The following PTPRD variants were observed in gnomAD, a reference collection of about 807,000 sequenced individuals.
The protein encoded by PTPRD is receptor-type tyrosine-protein phosphatase delta.
PTPRD carries 34 observed loss-of-function variants against 214.5 expected under a neutral mutation model. The observed-to-expected ratio is 0.16, with a 90% CI of 0.12 to 0.21. The LOEUF (loss-of-function observed/expected upper bound fraction) is 0.21. PTPRD is among the 10% of genes least tolerant of loss of function. PTPRD has a pLI of 1.00. For missense variants in PTPRD, 2,545 were observed against 2,398.7 expected, an observed-to-expected ratio of 1.06 and a Z score of -1.27; for synonymous variants, 1,128 against 845.7, an observed-to-expected ratio of 1.33 and a Z score of -5.79.
At chr9:8,730,137 T>C (rs1252776118) in intron 12 of PTPRD, among the ~76,000 whole-genome samples, 2 of 152,016 alleles carry the variant, frequency 1.3e-5, no homozygotes. Context: ...GCACCTGTAG[T>C]CCCAGCTACT....
At chr9:8,588,450 C>A (rs963812243) in intron 14 of PTPRD, among the ~76,000 whole-genome samples, 4 of 152,134 alleles carry the variant, frequency 2.6e-5, no homozygotes, top group African/African-American at 9.7e-5. Context: ...ATAAAAGACA[C>A]AACAGTGGAT....
At chr9:8,612,239 T>C (rs1048410791) in intron 14 of PTPRD, among the ~76,000 whole-genome samples, 13 of 152,198 alleles carry the variant, frequency 8.5e-5, no homozygotes, top group African/African-American at 2.9e-4. Flanking sequence ...ACAAAACATA[T>C]CTCCTTTACA....
chr9:8,798,914 G>A (rs1010761775), intron 11 of PTPRD, among the ~76,000 whole-genome samples: 2 of 151,998 alleles, frequency 1.3e-5, no homozygotes, highest in Non-Finnish European at 2.9e-5. Context: ...TCATAATAAC[G>A]ACTCAGAGCC....
At chr9:10,422,249 C>A (rs1374996178) in intron 2 of PTPRD, among the ~76,000 whole-genome samples, 1 of 152,004 alleles carries the variant, frequency 6.6e-6, no homozygotes. Context: ...GGAAAACTGG[C>A]TAGCCATATG....
intron 39 of PTPRD, among the ~76,000 whole-genome samples, chr9:8,345,423 C>T (rs1327057801): frequency 6.6e-6 from 1 of 152,036 alleles, no homozygotes; most frequent in Non-Finnish European, 1.5e-5. Flanking sequence ...CAGTCATTGC[C>T]AAATATGGTG....
intron 3 of PTPRD, among the ~76,000 whole-genome samples, chr9:10,239,997 C>T (rs2154361962): frequency 6.6e-6 from 1 of 152,016 alleles, no homozygotes. Flanking sequence ...GACCTTCATT[C>T]CAGAGGGTCC....
chr9:8,611,721 A>G (rs142107524), intron 14 of PTPRD, among the ~76,000 whole-genome samples: 2 of 151,432 alleles, frequency 1.3e-5, no homozygotes, highest in Non-Finnish European at 2.9e-5. Context: ...GAAAAAAAGA[A>G]AAGACAAAAG....
intron 8 of PTPRD, among the ~76,000 whole-genome samples, chr9:9,551,605 G>C (rs1280974132): frequency 6.6e-6 from 1 of 151,844 alleles, no homozygotes; most frequent in African/African-American, 2.4e-5. Context: ...TTAATGTTTG[G>C]CTCCTATATG....
At chr9:9,976,808 G>C (rs1322102470) in intron 4 of PTPRD, among the ~76,000 whole-genome samples, 8 of 150,452 alleles carry the variant, frequency 5.3e-5, no homozygotes, top group Non-Finnish European at 8.8e-5. Context: ...TGTCTTCTTA[G>C]ACAGTTCACT....
At chr9:8,992,570 G>A (rs1367128549) in intron 11 of PTPRD, among the ~76,000 whole-genome samples, 1 of 152,050 alleles carries the variant, frequency 6.6e-6, no homozygotes, top group Non-Finnish European at 1.5e-5. Context: ...ACGAATATTA[G>A]GCATGAATTT....
At chr9:10,196,049 G>C (rs1419418074) in intron 3 of PTPRD, among the ~76,000 whole-genome samples, 1 of 152,098 alleles carries the variant, frequency 6.6e-6, no homozygotes, top group Admixed American at 6.6e-5. Context: ...CTCTACGGGG[G>C]ATGAAAATAT....
chr9:9,604,294 A>G (rs1345540287), intron 7 of PTPRD, among the ~76,000 whole-genome samples: 1 of 152,134 alleles, frequency 6.6e-6, no homozygotes, highest in African/African-American at 2.4e-5. Flanking sequence ...AAAATATGAC[A>G]GGCACAACCT....
intron 9 of PTPRD, among the ~76,000 whole-genome samples, chr9:9,234,025 T>C (rs1241815820): frequency 6.6e-6 from 1 of 152,142 alleles, no homozygotes; most frequent in African/African-American, 2.4e-5. Flanking sequence ...GTGGGGACTC[T>C]GTGTGGGGGC....
In PTPRD at chr9:10,499,810, T is replaced by A. The variant is rs544462942; in HGVS notation, c.-600+112588A>T. 1.7e-3 allele frequency among the ~76,000 whole-genome samples: 254 copies of A among 152,022 alleles called. 1 individual carries two copies. Among genetic ancestry groups the A allele is most frequent in the African/African-American group, 5.6e-3 (232 of 41,558 alleles). On this transcript the variant is annotated intron_variant, in intron 2 of 45. Transcript: ENST00000381196. The stretch of plus-strand genomic sequence containing the variant: ...CTATCCAAAAACTTTTTCATAATAT[T>A]TATTGTCATGTGCCAAAGAGTGGAA...
chr9:10,474,193 T>A (rs530942949), intron 2 of PTPRD, among the ~76,000 whole-genome samples: 2 of 151,886 alleles, frequency 1.3e-5, no homozygotes, highest in African/African-American at 4.8e-5. Context: ...GGCTGGCAAG[T>A]TGGAGAGAGT....
chr9:8,956,236 G>C (rs1449353180), intron 11 of PTPRD, among the ~76,000 whole-genome samples: 2 of 151,674 alleles, frequency 1.3e-5, no homozygotes. Context: ...TTTATGCAGA[G>C]AAACAGCCAT....
chr9:8,717,041 G>A (rs1163408283), intron 12 of PTPRD, among the ~76,000 whole-genome samples: 1 of 152,150 alleles, frequency 6.6e-6, no homozygotes, highest in African/African-American at 2.4e-5. Context: ...GGTGGCATGT[G>A]CCTGTAATCC....
intron 5 of PTPRD, among the ~76,000 whole-genome samples, chr9:9,887,195 T>A (rs1299920395): frequency 6.6e-6 from 1 of 152,134 alleles, no homozygotes; most frequent in Non-Finnish European, 1.5e-5. Flanking sequence ...AAGCCTTCTG[T>A]CAATATCATA....
chr9:9,037,520 G>A (rs2099625763), intron 10 of PTPRD, among the ~76,000 whole-genome samples: 1 of 152,044 alleles, frequency 6.6e-6, no homozygotes, highest in South Asian at 2.1e-4. Flanking sequence ...ACGATTACAT[G>A]GTAAAACTTC....
Sources: gnomAD v4.1 joint callset for allele counts (sites outside exome capture counted in the v4.1 genomes callset) on GRCh38, gnomAD v4.1.1 for gene constraint, MANE v1.5 for transcripts, NCBI Gene and HGNC (gene_info 2026-07-23, HGNC 2026-07-21) for gene names.